The following NTN1 variants were observed in gnomAD, a reference collection of about 807,000 sequenced individuals.
NTN1 encodes netrin-1.
In NTN1, 11 loss-of-function variants were observed where a neutral mutation model predicts 54.2. That is an observed-to-expected ratio of 0.20 (90% confidence interval 0.13 to 0.34). The LOEUF is 0.34. NTN1 is among the 10% of genes least tolerant of loss of function. The pLI, the probability that NTN1 is intolerant of heterozygous loss-of-function variation, is 1.00. For missense variants in NTN1, 740 were observed against 893.1 expected (o/e 0.83, Z 2.18); for synonymous variants, 371 against 382.0 (o/e 0.97, Z 0.33).
the NTN1 span, among the ~76,000 whole-genome samples, chr17:9,016,124 G>A: frequency 6.6e-5 from 10 of 151,888 alleles, no homozygotes; most frequent in African/African-American, 2.2e-4. Context: ...GTTCCTTTAA[G>A]GCCAGAACCA....
At position 9,221,150 on chromosome 17, in the gene NTN1, C is replaced by T. The variant is rs539161884; in HGVS notation, c.1412-18C>T. ...CCTAATTAGTTTTTGTCTGTGCTCCCCCCCCACCCCCCTGCAGACTGCGAT... is the reference window on the plus strand; with the variant it reads ...CCTAATTAGTTTTTGTCTGTGCTCCTCCCCCACCCCCCTGCAGACTGCGAT... On this transcript the variant is annotated intron_variant, in intron 5 of 6. Transcript: ENST00000173229. The surrounding 1 kb of genome is among the most constrained non-coding windows in gnomAD (Gnocchi z 4.5). 7 of 1,471,934 alleles carry T rather than the reference C, an allele frequency of 4.8e-6. No individual in the cohort carries two copies. The highest frequency in any genetic ancestry group is 3.5e-5 in the Admixed American group (2 of 57,112). 91.2% of individuals were successfully genotyped at this position (1,471,934 alleles called of 1,614,324 possible). A position where few individuals can be genotyped will look rare whatever the true frequency, so the allele number is the denominator to read the frequency against.
chr17:9,064,785 A>G (rs987959096), intron 2 of NTN1, among the ~76,000 whole-genome samples: 10 of 151,370 alleles, frequency 6.6e-5, no homozygotes, highest in Admixed American at 4.6e-4. Context: ...TTTTTTTTTG[A>G]GACAGGGTCT....
intron 5 of NTN1, among the ~76,000 whole-genome samples, chr17:9,207,191 C>T (rs889571328): frequency 2.6e-5 from 4 of 152,124 alleles, no homozygotes; most frequent in Non-Finnish European, 5.9e-5. Flanking sequence ...ATAAACAAAC[C>T]AAACTGAAAA....
At chr17:9,050,708 C>T (rs1358022929) in intron 2 of NTN1, among the ~76,000 whole-genome samples, 1 of 151,236 alleles carries the variant, frequency 6.6e-6, no homozygotes, top group Non-Finnish European at 1.5e-5. Context: ...GCTGGACTCC[C>T]AGCTCTGTCA....
At chr17:9,093,139 C>T (rs2092118529) in intron 2 of NTN1, among the ~76,000 whole-genome samples, 2 of 152,102 alleles carry the variant, frequency 1.3e-5, no homozygotes, top group South Asian at 2.1e-4. Flanking sequence ...GTGATCTGCC[C>T]GTCTCGGCCT....
At chr17:9,108,027 T>C (rs946325957) in intron 2 of NTN1, among the ~76,000 whole-genome samples, 2 of 152,128 alleles carry the variant, frequency 1.3e-5, no homozygotes, top group African/African-American at 4.8e-5. Flanking sequence ...TGTGGGCTCA[T>C]GACAAAAAAG....
At chr17:9,183,913 C>T (rs775014823) in intron 5 of NTN1, among the ~76,000 whole-genome samples, 5 of 152,180 alleles carry the variant, frequency 3.3e-5, no homozygotes, top group Non-Finnish European at 7.3e-5. Flanking sequence ...ACCCAGAGTC[C>T]TGGTCCTGGG....
chr17:9,051,016 G>A (rs1310366828), intron 2 of NTN1, among the ~76,000 whole-genome samples: 1 of 152,172 alleles, frequency 6.6e-6, no homozygotes, highest in African/African-American at 2.4e-5. Flanking sequence ...CCCCTGTCCT[G>A]TTAGCTGAGA....
chr17:9,158,220 AG>A (rs1486944154), intron 2 of NTN1, among the ~76,000 whole-genome samples: 3 of 89,990 alleles, frequency 3.3e-5, no homozygotes, highest in African/African-American at 8.9e-5. Context: ...TTGTGTGACC[AG>A]TTGTTTAGGA....
chr17:9,187,503 A>G (rs1283159488), intron 5 of NTN1, among the ~76,000 whole-genome samples: 1 of 152,152 alleles, frequency 6.6e-6, no homozygotes, highest in Non-Finnish European at 1.5e-5. Flanking sequence ...TACAGGGACT[A>G]TTATTTAGCC....
chr17:9,182,997 C>T lies in NTN1; in HGVS notation c.1411+28C>T, dbSNP rs763506698. On this transcript the variant is annotated intron_variant, in intron 5 of 6. Coordinates refer to ENST00000173229, the MANE Select transcript of NTN1 (RefSeq NM_004822.3). ...AAACGGCCCCCTTCGCTTCTCATTT[C>T]CCGCTTTTGCTGGGTGGTGGGGTGG... 26 of 1,612,822 alleles carry T rather than the reference C, an allele frequency of 1.6e-5. No homozygotes were observed. The South Asian group carries it at 2.7e-4, about 17-fold the overall frequency.
At chr17:9,029,350 G>T (rs1332512419) in intron 2 of NTN1, among the ~76,000 whole-genome samples, 1 of 152,176 alleles carries the variant, frequency 6.6e-6, no homozygotes, top group Admixed American at 6.5e-5. Flanking sequence ...TACACAAACG[G>T]GACTAAGTGT....
At chr17:9,161,639 G>A (rs1201346987) in intron 2 of NTN1, among the ~76,000 whole-genome samples, 3 of 152,122 alleles carry the variant, frequency 2.0e-5, no homozygotes, top group African/African-American at 4.8e-5. Context: ...TTAGCCTGGC[G>A]TGGTGGTGTG....
intron 3 of NTN1, chr17:9,171,889 T>TTC (rs1480422539): frequency 6.6e-6 from 1 of 151,648 alleles, no homozygotes; most frequent in Non-Finnish European, 1.4e-5. Flanking sequence ...CTCACTTTTT[T>TTC]TTTTTTTTTT....
intron 2 of NTN1, among the ~76,000 whole-genome samples, chr17:9,106,606 T>G (rs2092167941): frequency 6.6e-6 from 1 of 151,950 alleles, no homozygotes; most frequent in Non-Finnish European, 1.5e-5. Flanking sequence ...CTCCGCTTCC[T>G]GGGTTCAAGC....
intron 2 of NTN1, among the ~76,000 whole-genome samples, chr17:9,077,045 A>G (rs2092052665): frequency 6.6e-6 from 1 of 152,224 alleles, no homozygotes; most frequent in African/African-American, 2.4e-5. Flanking sequence ...ATCATCAGAC[A>G]GGTGGGTGAG....
Position 9,243,857 on chromosome 17 carries a change from A to AG in NTN1, c.*3890dup, listed in dbSNP as rs1306973478. The AG allele has an allele frequency of 8.8e-6, 1 of 114,180 alleles. No homozygotes were observed. Among genetic ancestry groups the AG allele is most frequent in the Non-Finnish European group, 1.7e-5 (1 of 59,914 alleles). 7.1% of individuals were successfully genotyped at this position (114,180 alleles called of 1,614,324 possible). On this transcript the variant is annotated 3_prime_UTR_variant, in exon 7 of 7. Coordinates refer to ENST00000173229, the MANE Select transcript of NTN1 (RefSeq NM_004822.3). Reference sequence around the variant, plus strand: ...TGAATATATTTAATGACATGGAAAAAGTTGTGGATTTTCTTTCTTTCCTTT... The same window carrying AG: ...TGAATATATTTAATGACATGGAAAAAGGTTGTGGATTTTCTTTCTTTCCTTT...
At position 9,240,064 on chromosome 17, in the gene NTN1, G is replaced by T. The variant is rs925828154; in HGVS notation, c.*96G>T. On this transcript the variant is annotated 3_prime_UTR_variant, in exon 7 of 7. Transcript: ENST00000173229. ...GGCCGCCGCGGACTTGGCCCGCGAG[G>T]GCTTTCCCAGGTGGGGGGAGGGAGG... The T allele has an allele frequency of 6.3e-6, 3 of 479,184 alleles. No homozygotes were observed. Among genetic ancestry groups the T allele is most frequent in the Non-Finnish European group, 8.5e-6 (3 of 353,904 alleles). The allele number at this position is 479,184 out of a possible 1,614,324, so 29.7% of individuals were successfully genotyped here. A position where few individuals can be genotyped will look rare whatever the true frequency, so the allele number is the denominator to read the frequency against.
At chr17:9,045,375 G>C (rs2091938603) in intron 2 of NTN1, among the ~76,000 whole-genome samples, 1 of 152,182 alleles carries the variant, frequency 6.6e-6, no homozygotes, top group Non-Finnish European at 1.5e-5. Flanking sequence ...ACCCCAAATG[G>C]CTTGGTTTGG....
Sources: gnomAD v4.1 joint callset for allele counts (sites outside exome capture counted in the v4.1 genomes callset) on GRCh38, gnomAD v4.1.1 for gene constraint, Gnocchi (gnomAD v3.1) non-coding constraint, MANE v1.5 for transcripts, NCBI Gene and HGNC (gene_info 2026-07-23, HGNC 2026-07-21) for gene names.